CFAP221: variants seen among roughly 807,000 people sequenced by gnomAD.
The protein encoded by CFAP221 is cilia- and flagella-associated protein 221.
CFAP221 carries 97 observed loss-of-function variants against 113.1 expected under a neutral mutation model. The observed-to-expected ratio is 0.86, with a 90% confidence interval of 0.73 to 1.02. CFAP221 has a LOEUF of 1.02. CFAP221 is among the 50% of genes least tolerant of loss of function. The pLI is 0.00. For missense variants in CFAP221, 1,025 were observed against 1,013.4 expected, an observed-to-expected ratio of 1.01 and a Z score of -0.16; for synonymous variants, 331 against 354.4, an observed-to-expected ratio of 0.93 and a Z score of 0.74.
chr2:119,573,786 C>T (rs745423806), intron 6 of CFAP221, among the ~76,000 whole-genome samples: 59 of 152,278 alleles, frequency 3.9e-4, no homozygotes, highest in Non-Finnish European at 6.9e-4. Context: ...ATTTAATATA[C>T]CTTTGCTGAC....
chr2:119,590,777 A>G (rs1473502206), intron 7 of CFAP221, among the ~76,000 whole-genome samples: 1 of 152,114 alleles, frequency 6.6e-6, no homozygotes, highest in East Asian at 1.9e-4. Context: ...TTACATCCAC[A>G]AGGGAAAATA....
rs148634272 is a variant in CFAP221, at chr2:119,639,214, A to G, written c.2134-567A>G. Among the ~76,000 whole-genome samples, 40 of 152,168 alleles carry G rather than the reference A, an allele frequency of 2.6e-4. No homozygotes were observed. The East Asian group carries it at 7.8e-3, about 30-fold the overall frequency. Reference sequence around the variant, plus strand: ...TCCTTATGCACGAGTTGATCCTGTCATTTCCTGCTCGAAAGCCCTCCGTGG... The same window carrying G: ...TCCTTATGCACGAGTTGATCCTGTCGTTTCCTGCTCGAAAGCCCTCCGTGG... On this transcript the variant is annotated intron_variant, in intron 20 of 23. Coordinates refer to ENST00000413369, the MANE Select transcript of CFAP221 (RefSeq NM_001271049.2).
chr2:119,655,608 T>G (rs1366069947), intron 23 of CFAP221, among the ~76,000 whole-genome samples: 1 of 152,178 alleles, frequency 6.6e-6, no homozygotes, highest in Non-Finnish European at 1.5e-5. Context: ...ACAAGACATA[T>G]GGCCTTTTAA....
Position 119,656,581 on chromosome 2 carries a change from T to C in CFAP221, c.*111T>C. 2 of 689,256 alleles carry C rather than the reference T, an allele frequency of 2.9e-6. No individual in the cohort carries two copies. The highest frequency in any genetic ancestry group is 5.5e-5 in the East Asian group (2 of 36,424). The allele number at this position is 689,256 out of a possible 1,614,324, so 42.7% of individuals were successfully genotyped here. Reference sequence around the variant, plus strand: ...CAATTAAAGTTTCTGGATAAAAAAATGAAATGTAGAGGATGTATATATCTT... The same window carrying C: ...CAATTAAAGTTTCTGGATAAAAAAACGAAATGTAGAGGATGTATATATCTT... On this transcript the variant is annotated 3_prime_UTR_variant, in exon 24 of 24. Coordinates refer to ENST00000413369, the MANE Select transcript of CFAP221 (RefSeq NM_001271049.2).
At chr2:119,626,599 C>T (rs2104749821) in intron 15 of CFAP221, among the ~76,000 whole-genome samples, 1 of 152,190 alleles carries the variant, frequency 6.6e-6, no homozygotes, top group Non-Finnish European at 1.5e-5. Context: ...CACATTAAGC[C>T]TTTTAATCTT....
At chr2:119,578,918 A>G (rs1056414658) in intron 6 of CFAP221, among the ~76,000 whole-genome samples, 3 of 152,174 alleles carry the variant, frequency 2.0e-5, no homozygotes, top group African/African-American at 7.2e-5. Context: ...TGTTCTAGAG[A>G]AAGGACAAGA....
rs151240301 is a variant in CFAP221 at position 119,613,119 on chromosome 2, G to A, written c.1311+1377G>A. Among the ~76,000 whole-genome samples the A allele has an allele frequency of 2.9e-3, 445 of 152,352 alleles. 2 individuals are homozygous for A. Among genetic ancestry groups the A allele is most frequent in the African/African-American group, 9.8e-3 (407 of 41,586 alleles). On this transcript the variant is annotated intron_variant, in intron 13 of 23. Transcript: ENST00000413369. ...CTTTGACTCCATGTCTCACATCCAC[G>A]TCATGCTGATGCAAGGGATGGGCTC...
At chr2:119,565,713 C>A (rs1003454042) in intron 6 of CFAP221, among the ~76,000 whole-genome samples, 2 of 152,348 alleles carry the variant, frequency 1.3e-5, no homozygotes, top group Middle Eastern at 3.4e-3. Context: ...GACATTCTGG[C>A]AGCAGGCATA....
At chr2:119,622,622 A>G (rs1686011165) in intron 14 of CFAP221, among the ~76,000 whole-genome samples, 1 of 152,214 alleles carries the variant, frequency 6.6e-6, no homozygotes. Context: ...ATCCTCAATA[A>G]AATACTGGCA....
At chr2:119,658,113 G>A (rs1217577546), downstream of CFAP221, among the ~76,000 whole-genome samples, 1 of 152,094 alleles carries the variant, frequency 6.6e-6, no homozygotes, top group Non-Finnish European at 1.5e-5. Flanking sequence ...GCATCCATTG[G>A]TGAGTGGGTC....
chr2:119,631,085 T>C (rs1686743584), intron 19 of CFAP221, 184 bp downstream of exon 19: 1 of 1,288,228 alleles, frequency 7.8e-7, no homozygotes, highest in Non-Finnish European at 9.9e-7. Flanking sequence ...ATTCCGTCTT[T>C]TAGCAATTCC....
At chr2:119,595,147 T>A (rs1017783802) in intron 7 of CFAP221, among the ~76,000 whole-genome samples, 1 of 152,232 alleles carries the variant, frequency 6.6e-6, no homozygotes, top group Non-Finnish European at 1.5e-5. Flanking sequence ...CCTAGCTGCT[T>A]CTTCAGCCCC....
intron 11 of CFAP221, among the ~76,000 whole-genome samples, chr2:119,606,134 G>A (rs1009765565): frequency 3.3e-5 from 5 of 151,676 alleles, no homozygotes; most frequent in Admixed American, 1.3e-4. Flanking sequence ...CTCCCAAGTA[G>A]CTGGGAGCAC....
intron 7 of CFAP221, among the ~76,000 whole-genome samples, chr2:119,599,523 G>A (rs751733919): frequency 1.8e-4 from 28 of 152,232 alleles, no homozygotes; most frequent in African/African-American, 6.0e-4. Context: ...AATAATTTCC[G>A]GGAGTAGGAT....
At position 119,656,396 on chromosome 2, in the gene CFAP221, G is replaced by A. The variant is rs151053141; in HGVS notation, c.2449G>A (p.Ala817Thr). The change falls in exon 24 of 24, where the codon GCC (alanine) becomes ACC (threonine). Residue 817 changes from alanine to threonine, a missense_variant. Transcript: ENST00000413369. ...VKDQAQPAEK[A>T]GEKLLEEMRN... ...AGATCAAGCACAACCAGCAGAGAAG[G>A]CCGGAGAGAAGCTGCTCGAGGAGAT... 209 of 1,614,032 alleles carry A rather than the reference G, an allele frequency of 1.3e-4. No homozygotes were observed. In the African/African-American group the frequency reaches 2.5e-3, roughly 20 times the overall value.
At chr2:119,582,410 T>C (rs1377255554) in intron 6 of CFAP221, among the ~76,000 whole-genome samples, 1 of 151,772 alleles carries the variant, frequency 6.6e-6, no homozygotes, top group African/African-American at 2.4e-5. Flanking sequence ...ATAGAAATAC[T>C]AGGTATGTTT....
chr2:119,610,402 G>T (rs1440704972), intron 12 of CFAP221, among the ~76,000 whole-genome samples: 1 of 152,184 alleles, frequency 6.6e-6, no homozygotes, highest in African/African-American at 2.4e-5. Context: ...GAAGGAAGGA[G>T]ATGGCCTGAG....
At chr2:119,570,850 T>C (rs907635280) in intron 6 of CFAP221, among the ~76,000 whole-genome samples, 1 of 152,226 alleles carries the variant, frequency 6.6e-6, no homozygotes, top group Non-Finnish European at 1.5e-5. Flanking sequence ...CATTTGTGTA[T>C]ATGTTTTTAT....
At chr2:119,629,185 TA>T (rs1482991867) in intron 16 of CFAP221, among the ~76,000 whole-genome samples, 2 of 152,144 alleles carry the variant, frequency 1.3e-5, no homozygotes, top group Non-Finnish European at 2.9e-5. Flanking sequence ...TGTATTAGAT[TA>T]GGGGTTGTAT....
Sources: gnomAD v4.1 joint callset for allele counts (sites outside exome capture counted in the v4.1 genomes callset) on GRCh38, gnomAD v4.1.1 for gene constraint, MANE v1.5 for transcripts, NCBI Gene and HGNC (gene_info 2026-07-23, HGNC 2026-07-21) for gene names.